SCFD1: variants seen among roughly 807,000 people sequenced by gnomAD.
The protein encoded by SCFD1 is sec1 family domain containing 1, also known as sec1 family domain-containing protein 1.
A neutral mutation model predicts 103.2 loss-of-function variants in SCFD1; 37 were observed. The observed-to-expected ratio is 0.36, with a 90% CI of 0.28 to 0.47. The LOEUF (loss-of-function observed/expected upper bound fraction) is 0.47. Among genes scored for constraint, SCFD1 ranks in the 20% least tolerant of loss-of-function variants. SCFD1 has a pLI of 1.00. For missense variants in SCFD1, 639 were observed against 761.2 expected (o/e 0.84, Z 1.89); for synonymous variants, 264 against 245.0 (o/e 1.08, Z -0.73).
chr14:30,675,864 T>C (rs958190655), intron 14 of SCFD1, among the ~76,000 whole-genome samples: 3 of 152,212 alleles, frequency 2.0e-5, no homozygotes, highest in African/African-American at 4.8e-5. Flanking sequence ...CACAAAAGCA[T>C]TAGAAAGGCA....
chr14:30,700,391 G>A, intron 16 of SCFD1, 133 bp downstream of exon 16: 1 of 674,742 alleles, frequency 1.5e-6, no homozygotes, highest in Non-Finnish European at 2.5e-6. Flanking sequence ...AAAGAAAAAT[G>A]GCCAGGCGTG....
intron 14 of SCFD1, among the ~76,000 whole-genome samples, chr14:30,692,690 TAAAAC>T (rs1225301135): frequency 6.6e-6 from 1 of 152,206 alleles, no homozygotes. Flanking sequence ...TGAATAGTGA[TAAAAC>T]AGAAAAGGTT....
chr14:30,708,491 T>C lies in SCFD1; in HGVS notation c.1629+426T>C, dbSNP rs146882278. ...TATTTAAGACTCTGAGGGTATTTTTTACATGTGTAGCTCAGAGCTCTGTAA... is the reference window on the plus strand; with the variant it reads ...TATTTAAGACTCTGAGGGTATTTTTCACATGTGTAGCTCAGAGCTCTGTAA... On this transcript the variant is annotated intron_variant, in intron 19 of 24. Coordinates refer to ENST00000458591, the MANE Select transcript of SCFD1 (RefSeq NM_016106.4). Among the ~76,000 whole-genome samples the C allele has an allele frequency of 5.7e-4, 87 of 152,136 alleles. 1 individual carries two copies. The East Asian group carries it at 0.016, about 28-fold the overall frequency.
At chr14:30,733,307 C>A (rs901644457) in intron 23 of SCFD1, among the ~76,000 whole-genome samples, 1 of 152,064 alleles carries the variant, frequency 6.6e-6, no homozygotes, top group African/African-American at 2.4e-5. Context: ...TGCGCCCAGC[C>A]CATAAAGTTC....
intron 23 of SCFD1, among the ~76,000 whole-genome samples, chr14:30,729,383 T>C (rs1030805220): frequency 5.9e-5 from 9 of 152,218 alleles, no homozygotes. Context: ...TTTTAAAATA[T>C]GGTATGAAGA....
intron 20 of SCFD1, among the ~76,000 whole-genome samples, chr14:30,716,584 A>G (rs543082579): frequency 6.6e-6 from 1 of 152,354 alleles, no homozygotes; most frequent in African/African-American, 2.4e-5. Context: ...CACTGTCGCA[A>G]CCAAAAGGTG....
intron 14 of SCFD1, among the ~76,000 whole-genome samples, chr14:30,681,237 C>T (rs1889452296): frequency 1.4e-5 from 2 of 143,352 alleles, no homozygotes; most frequent in Non-Finnish European, 1.5e-5. Flanking sequence ...AAAAAAAAAG[C>T]GCTCAACATA....
chr14:30,707,103 G>A (rs148546423), intron 18 of SCFD1, among the ~76,000 whole-genome samples: 96 of 152,314 alleles, frequency 6.3e-4, no homozygotes, highest in Non-Finnish European at 1.1e-3. Flanking sequence ...ACTTCCATGT[G>A]TTTAATAAAA....
intron 23 of SCFD1, 62 bp downstream of exon 23, chr14:30,722,621 T>C (rs1892729484): frequency 1.0e-6 from 1 of 974,564 alleles, no homozygotes; most frequent in Non-Finnish European, 1.6e-6. Flanking sequence ...AACACTAGCA[T>C]ACTCTGATGG....
At chr14:30,629,982 G>A (rs1398511153) in intron 2 of SCFD1, among the ~76,000 whole-genome samples, 2 of 151,984 alleles carry the variant, frequency 1.3e-5, no homozygotes, top group South Asian at 4.2e-4. Flanking sequence ...TTTGAAAATG[G>A]CTAATTTTTA....
chr14:30,635,025 T>C (rs1438585584), intron 4 of SCFD1: 1 of 454,110 alleles, frequency 2.2e-6, no homozygotes, highest in Non-Finnish European at 4.4e-6. Context: ...GAAAAGTAGA[T>C]ATTGGATAGG....
intron 15 of SCFD1, among the ~76,000 whole-genome samples, chr14:30,697,074 G>A (rs182100453): frequency 3.3e-5 from 5 of 152,048 alleles, no homozygotes; most frequent in Admixed American, 3.3e-4. Context: ...TGTTGGGGGG[G>A]GCGGTGTATA....
At chr14:30,716,460 G>A (rs1892284793) in intron 20 of SCFD1, among the ~76,000 whole-genome samples, 2 of 152,176 alleles carry the variant, frequency 1.3e-5, no homozygotes, top group African/African-American at 4.8e-5. Flanking sequence ...ATAGACAAAT[G>A]GGTCAATACC....
chr14:30,653,014 G>C (rs1886549498), intron 9 of SCFD1, among the ~76,000 whole-genome samples: 1 of 151,724 alleles, frequency 6.6e-6, no homozygotes, highest in Non-Finnish European at 1.5e-5. Context: ...AAAAAATAAA[G>C]TTTCCTAAGT....
At chr14:30,650,503 G>T in intron 8 of SCFD1, 62 bp from the exon 9 acceptor site, 1 of 954,732 alleles carries the variant, frequency 1.0e-6, no homozygotes, top group South Asian at 1.4e-5. Context: ...AACACATTTT[G>T]AATTAACCTC....
At chr14:30,699,774 G>A (rs1890951153) in intron 15 of SCFD1, among the ~76,000 whole-genome samples, 1 of 152,090 alleles carries the variant, frequency 6.6e-6, no homozygotes, top group Non-Finnish European at 1.5e-5. Context: ...CATACATCTG[G>A]TTTCCCAGGA....
At chr14:30,703,140 A>G (rs973764692) in intron 17 of SCFD1, among the ~76,000 whole-genome samples, 3 of 151,924 alleles carry the variant, frequency 2.0e-5, no homozygotes, top group Admixed American at 6.6e-5. Context: ...CAAGGCCCCA[A>G]CTGTCAGTGA....
At chr14:30,636,277 T>C (rs962122714) in intron 4 of SCFD1, among the ~76,000 whole-genome samples, 1 of 152,016 alleles carries the variant, frequency 6.6e-6, no homozygotes. Context: ...TTTTTTTTTT[T>C]CTTGAGTTGC....
intron 7 of SCFD1, among the ~76,000 whole-genome samples, chr14:30,645,824 T>C (rs1885765079): frequency 6.6e-6 from 1 of 152,184 alleles, no homozygotes; most frequent in East Asian, 1.9e-4. Flanking sequence ...TATTTCTTTC[T>C]CTTGCCTGAT....
Sources: gnomAD v4.1 joint callset for allele counts (sites outside exome capture counted in the v4.1 genomes callset) on GRCh38, gnomAD v4.1.1 for gene constraint, MANE v1.5 for transcripts, NCBI Gene and HGNC (gene_info 2026-07-23, HGNC 2026-07-21) for gene names.